Variants in UBE2E1 observed in about 807,000 individuals in gnomAD.
UBE2E1 encodes ubiquitin conjugating enzyme E2 E1.
Under a neutral mutation model 21.4 loss-of-function variants are expected in UBE2E1, and 6 were observed. The observed-to-expected ratio is 0.28, with a 90% CI of 0.15 to 0.55. UBE2E1 has a LOEUF of 0.55. UBE2E1 is among the 20% of genes least tolerant of loss of function. UBE2E1 has a pLI of 0.93. For missense variants in UBE2E1, 142 were observed against 236.5 expected, an observed-to-expected ratio of 0.60 and a Z score of 2.62; for synonymous variants, 87 against 82.7, an observed-to-expected ratio of 1.05 and a Z score of -0.28.
intron 3 of UBE2E1, among the ~76,000 whole-genome samples, chr3:23,840,880 T>C (rs931082806): frequency 6.6e-6 from 1 of 152,202 alleles, no homozygotes; most frequent in African/African-American, 2.4e-5. Flanking sequence ...TAGTTTTCCT[T>C]TCTCAGAGAT....
chr3:23,852,174 C>G (rs562837497), intron 3 of UBE2E1, among the ~76,000 whole-genome samples: 1 of 152,264 alleles, frequency 6.6e-6, no homozygotes, highest in Non-Finnish European at 1.5e-5. Context: ...GCTAAATAAA[C>G]CTTTTTTCTT....
Position 23,836,067 on chromosome 3 carries a change from G to A in UBE2E1, c.203+24557G>A, listed in dbSNP as rs1381937073. On this transcript the variant is annotated intron_variant, in intron 3 of 5. Coordinates refer to ENST00000306627, the MANE Select transcript of UBE2E1 (RefSeq NM_003341.5). This position sits in a 1 kb window ranked among gnomAD's most constrained non-coding sequence, Gnocchi z 4.1. ...AATGTTTTGAGCTTTTGCTGTTGATGTTAAGATTACGATTTTTCTGTTAAA... is the reference window on the plus strand; with the variant it reads ...AATGTTTTGAGCTTTTGCTGTTGATATTAAGATTACGATTTTTCTGTTAAA... Among the ~76,000 whole-genome samples, 2 of 152,184 alleles carry A rather than the reference G, an allele frequency of 1.3e-5. No individual in the cohort carries two copies. Among genetic ancestry groups the A allele is most frequent in the Non-Finnish European group, 2.9e-5 (2 of 68,036 alleles).
At position 23,806,202 on chromosome 3, in the gene UBE2E1, C is replaced by G. The variant is rs1699261540; in HGVS notation, c.-34+114C>G. ...GCCGGGGCCGCCGGGCCGCAGGGCA[C>G]GGGGCCGGCGCGGGGGGGGAGCGGA... On this transcript the variant is annotated intron_variant, in intron 1 of 5. Transcript: ENST00000306627. The surrounding 1 kb of genome is among the most constrained non-coding windows in gnomAD (Gnocchi z 6.5). 1 of 146,068 alleles carries G rather than the reference C, an allele frequency of 6.8e-6. No homozygotes were observed. Among genetic ancestry groups the G allele is most frequent in the Non-Finnish European group, 1.5e-5 (1 of 65,870 alleles). 9.0% of individuals were successfully genotyped at this position (146,068 alleles called of 1,614,324 possible).
At chr3:23,843,033 ATATATAT>A (rs1700127765) in intron 3 of UBE2E1, among the ~76,000 whole-genome samples, 1 of 151,608 alleles carries the variant, frequency 6.6e-6, no homozygotes, top group Admixed American at 6.6e-5. Context: ...ACATATAAAA[ATATATAT>A]TATAGTAGTA....
intron 3 of UBE2E1, among the ~76,000 whole-genome samples, chr3:23,812,338 G>A (rs1267012981): frequency 6.6e-6 from 1 of 152,196 alleles, no homozygotes; most frequent in Non-Finnish European, 1.5e-5. Flanking sequence ...CAAGATCGGC[G>A]TTGGAAAGGG....
chr3:23,825,503 A>T (rs1699738951), intron 3 of UBE2E1, among the ~76,000 whole-genome samples: 3 of 152,192 alleles, frequency 2.0e-5, no homozygotes, highest in Admixed American at 1.3e-4. Flanking sequence ...ATATAGAGGG[A>T]GGTACAATAA....
chr3:23,849,000 G>A (rs1376606146), intron 3 of UBE2E1, among the ~76,000 whole-genome samples: 1 of 152,114 alleles, frequency 6.6e-6, no homozygotes, highest in African/African-American at 2.4e-5. Context: ...TTCATTGTAG[G>A]GATATACCAT....
At chr3:23,875,663 G>A (rs1382831702) in intron 3 of UBE2E1, among the ~76,000 whole-genome samples, 1 of 152,222 alleles carries the variant, frequency 6.6e-6, no homozygotes, top group Non-Finnish European at 1.5e-5. Flanking sequence ...TGGCCACACT[G>A]TTGGAGATCT....
chr3:23,833,891 G>A (rs1242381342), intron 3 of UBE2E1, among the ~76,000 whole-genome samples: 3 of 152,098 alleles, frequency 2.0e-5, no homozygotes, highest in African/African-American at 7.2e-5. Flanking sequence ...CCAGCTACTC[G>A]AGAGGCTGAG....
At chr3:23,847,330 G>A (rs113330927) in intron 3 of UBE2E1, among the ~76,000 whole-genome samples, 106 of 152,134 alleles carry the variant, frequency 7.0e-4, no homozygotes, top group Admixed American at 1.4e-3. Flanking sequence ...GTAGTACGTA[G>A]TGAAAAGAGC....
In UBE2E1 at chr3:23,889,597, A is replaced by G. The variant is rs181401148; in HGVS notation, c.484+338A>G. On this transcript the variant is annotated intron_variant, in intron 5 of 5. Coordinates refer to ENST00000306627, the MANE Select transcript of UBE2E1 (RefSeq NM_003341.5). ...ACAAATCAGACACTTCTAAATGTCG[A>G]GTCATCTGCCTGGCAAGCCTCACCT... is the stretch of plus-strand genomic sequence containing the variant. The G allele has an allele frequency of 4.1e-3, 4,085 of 985,298 alleles. 9 individuals carry two copies. Among genetic ancestry groups the G allele is most frequent in the Non-Finnish European group, 4.6e-3 (3,813 of 829,922 alleles). The allele number at this position is 985,298 out of a possible 1,614,324, so 61.0% of individuals were successfully genotyped here.
chr3:23,867,745 G>T (rs1436035431), intron 3 of UBE2E1, among the ~76,000 whole-genome samples: 1 of 152,196 alleles, frequency 6.6e-6, no homozygotes, highest in East Asian at 1.9e-4. Context: ...GAGCAAAGGA[G>T]AAGGAAGAGG....
At chr3:23,882,351 T>G (rs1701065307) in intron 3 of UBE2E1, among the ~76,000 whole-genome samples, 1 of 152,256 alleles carries the variant, frequency 6.6e-6, no homozygotes, top group South Asian at 2.1e-4. Context: ...GAGCACTGAT[T>G]GGTGCATTTA....
At position 23,855,762 on chromosome 3, in the gene UBE2E1, G is replaced by A. The variant is rs552641572; in HGVS notation, c.204-31805G>A. Among the ~76,000 whole-genome samples the A allele has an allele frequency of 7.2e-5, 11 of 152,066 alleles. No individual in the cohort carries two copies. The South Asian group carries it at 1.0e-3, about 14-fold the overall frequency. ...GGAGAATGGCGTGAACCCGGGAGGC[G>A]GAGCTTGCAGTGAGCCAAGATCATG... On this transcript the variant is annotated intron_variant, in intron 3 of 5. Transcript: ENST00000306627.
intron 3 of UBE2E1, among the ~76,000 whole-genome samples, chr3:23,824,232 G>T (rs555844568): frequency 2.6e-5 from 4 of 152,110 alleles, no homozygotes; most frequent in Non-Finnish European, 5.9e-5. Flanking sequence ...TTAAGATCTT[G>T]GAGCCCAGAC....
chr3:23,888,852 A>T (rs1223974679), intron 4 of UBE2E1, among the ~76,000 whole-genome samples: 1 of 152,244 alleles, frequency 6.6e-6, no homozygotes, highest in Non-Finnish European at 1.5e-5. Flanking sequence ...TGGAAATGTT[A>T]ATATTTAAAA....
intron 3 of UBE2E1, among the ~76,000 whole-genome samples, chr3:23,838,635 T>C (rs2125298756): frequency 6.6e-6 from 1 of 152,200 alleles, no homozygotes; most frequent in South Asian, 2.1e-4. Context: ...TAGCTGGGAT[T>C]ACAGGCATGC....
rs1319750318 is a variant in UBE2E1, at chr3:23,853,388, G to A, written c.204-34179G>A. On this transcript the variant is annotated intron_variant, in intron 3 of 5. Transcript: ENST00000306627. This position sits in a 1 kb window ranked among gnomAD's most constrained non-coding sequence, Gnocchi z 4.1. ...CATTTTCTTGTCACCATTAAGTATG[G>A]TGTTGGCTGTGGGTTTATCATTAGT... 3.3e-5 allele frequency among the ~76,000 whole-genome samples: 5 copies of A among 152,164 alleles called. No individual in the cohort carries two copies. The highest frequency in any genetic ancestry group is 3.3e-4 in the Admixed American group (5 of 15,280).
Position 23,887,468 on chromosome 3 carries a change from CAA to C in UBE2E1, c.204-96_204-95del, listed in dbSNP as rs971344876. ...TTGTAAAGAGAATCCACACAGTAAA[CAA>C]AAGAGAGGAGAGAGGTAATCTTTCC... On this transcript the variant is annotated intron_variant, in intron 3 of 5. Transcript: ENST00000306627. The surrounding 1 kb of genome is among the most constrained non-coding windows in gnomAD (Gnocchi z 4.4). 6.9e-6 allele frequency: 10 copies of C among 1,445,762 alleles called. No individual in the cohort carries two copies. The highest frequency in any genetic ancestry group is 9.2e-6 in the Non-Finnish European group (10 of 1,090,184). 89.6% of individuals were successfully genotyped at this position (1,445,762 alleles called of 1,614,324 possible). A position where few individuals can be genotyped will look rare whatever the true frequency, so the allele number is the denominator to read the frequency against.
Sources: gnomAD v4.1 joint callset for allele counts (sites outside exome capture counted in the v4.1 genomes callset) on GRCh38, gnomAD v4.1.1 for gene constraint, Gnocchi (gnomAD v3.1) non-coding constraint, MANE v1.5 for transcripts, NCBI Gene and HGNC (gene_info 2026-07-23, HGNC 2026-07-21) for gene names.